The following LMO7 variants were observed in gnomAD, a reference collection of about 807,000 sequenced individuals.
LMO7 encodes the protein LIM domain 7.
Under a neutral mutation model 206.5 loss-of-function variants are expected in LMO7, and 120 were observed. The observed-to-expected ratio is 0.58, with a 90% confidence interval of 0.50 to 0.68. The LOEUF is 0.68. LMO7 is among the 30% of genes least tolerant of loss of function. LMO7 has a pLI of 0.00. For missense variants in LMO7, 1,959 were observed against 1,957.9 expected, an observed-to-expected ratio of 1.00 and a Z score of -0.01; for synonymous variants, 706 against 681.5, an observed-to-expected ratio of 1.04 and a Z score of -0.56.
chr13:75,639,232 G>A (rs1171994605), intron 1 of LMO7, among the ~76,000 whole-genome samples: 2 of 152,120 alleles, frequency 1.3e-5, no homozygotes, highest in Non-Finnish European at 2.9e-5. Context: ...AGTGAGGTAA[G>A]AGCTAGTGGT....
intron 4 of LMO7, among the ~76,000 whole-genome samples, chr13:75,782,680 C>T (rs1020449187): frequency 1.3e-4 from 20 of 152,204 alleles, no homozygotes; most frequent in African/African-American, 4.8e-4. Context: ...TTTCTTCTTG[C>T]AGCTCCAGGG....
intron 3 of LMO7, among the ~76,000 whole-genome samples, chr13:75,746,445 A>G (rs2046843928): frequency 6.6e-6 from 1 of 152,226 alleles, no homozygotes; most frequent in South Asian, 2.1e-4. Flanking sequence ...GCGTGTCCCC[A>G]TGGAGAGTGT....
At position 75,835,752 on chromosome 13, in the gene LMO7, T is replaced by G. The variant is rs2059063063; in HGVS notation, c.3333+413T>G. Among the ~76,000 whole-genome samples, 2 of 152,146 alleles carry G rather than the reference T, an allele frequency of 1.3e-5. 1 individual carries two copies. The highest frequency in any genetic ancestry group is 4.1e-4 in the South Asian group (2 of 4,832). On this transcript the variant is annotated intron_variant, in intron 18 of 30. Transcript: ENST00000377534. ...GTGTAATGTAAAACTTCATGAAGCA[T>G]TTTTAGTTTTTGTGTAGGTGAATTT...
intron 26 of LMO7, among the ~76,000 whole-genome samples, chr13:75,846,712 C>T (rs1229321100): frequency 2.6e-5 from 4 of 152,126 alleles, no homozygotes; most frequent in African/African-American, 2.4e-5. Flanking sequence ...TTTATTAACT[C>T]ATTGCAAGCT....
chr13:75,712,923 AAAATG>A (rs200054985), intron 1 of LMO7, among the ~76,000 whole-genome samples: 9,524 of 151,988 alleles, frequency 0.063, 595 homozygotes, highest in African/African-American at 0.16. Context: ...ATCATCCAAT[AAAATG>A]ATTATATTAC....
chr13:75,775,717 T>G (rs1247994566), intron 4 of LMO7, among the ~76,000 whole-genome samples: 1 of 152,076 alleles, frequency 6.6e-6, no homozygotes, highest in Non-Finnish European at 1.5e-5. Flanking sequence ...TCAACATCAC[T>G]GATCATCAGA....
intron 1 of LMO7, among the ~76,000 whole-genome samples, chr13:75,693,108 C>T (rs960503010): frequency 5.9e-5 from 9 of 152,100 alleles, no homozygotes; most frequent in African/African-American, 2.2e-4. Flanking sequence ...AATTTTGGGT[C>T]AAGTGTATGG....
At chr13:75,690,962 T>C (rs201820221) in intron 1 of LMO7, among the ~76,000 whole-genome samples, 1 of 152,196 alleles carries the variant, frequency 6.6e-6, no homozygotes, top group East Asian at 1.9e-4. Flanking sequence ...GGATTACCTA[T>C]AAATTGTCTT....
At chr13:75,727,629 TTTATTA>T (rs1238611972) in intron 3 of LMO7, among the ~76,000 whole-genome samples, 1 of 152,122 alleles carries the variant, frequency 6.6e-6, no homozygotes, top group African/African-American at 2.4e-5. Context: ...TTTCTCTTTT[TTTATTA>T]TTATTATACT....
chr13:75,772,494 GAT>G (rs1451153371), intron 4 of LMO7, among the ~76,000 whole-genome samples: 2 of 152,076 alleles, frequency 1.3e-5, no homozygotes, highest in African/African-American at 4.8e-5. Context: ...CACTTTATAA[GAT>G]AGGGTGGTTG....
rs903367062 is a variant in LMO7, at chr13:75,842,931, T to A, written c.4097+15T>A. ...CCTGGTGACAGGTATGTAGAGCATG[T>A]TATTGTAATTTAATTGATGATAATG... On this transcript the variant is annotated intron_variant, in intron 25 of 30. Transcript: ENST00000377534. 1 of 1,494,512 alleles carries A rather than the reference T, an allele frequency of 6.7e-7. No homozygotes were observed. The highest frequency in any genetic ancestry group is 1.7e-5 in the Admixed American group (1 of 59,276). 92.6% of individuals were successfully genotyped at this position (1,494,512 alleles called of 1,614,324 possible). A position where few individuals can be genotyped will look rare whatever the true frequency, so the allele number is the denominator to read the frequency against.
chr13:75,663,454 G>A (rs1239424836), intron 1 of LMO7, among the ~76,000 whole-genome samples: 1 of 19,792 alleles, frequency 5.1e-5, no homozygotes, highest in African/African-American at 1.7e-4. Context: ...TTTTTGAGAC[G>A]GAGCCTCGCT....
intron 2 of LMO7, among the ~76,000 whole-genome samples, chr13:75,714,215 A>G (rs1170014281): frequency 6.6e-6 from 1 of 152,206 alleles, no homozygotes; most frequent in Non-Finnish European, 1.5e-5. Context: ...GGACCTTTGA[A>G]TAAGTGACCT....
chr13:75,794,709 TG>T (rs1429583540), intron 4 of LMO7, among the ~76,000 whole-genome samples: 1 of 152,206 alleles, frequency 6.6e-6, no homozygotes, highest in Non-Finnish European at 1.5e-5. Context: ...AGTAGCATAT[TG>T]TTGCTTCTTC....
chr13:75,808,011 ATTAG>A lies in LMO7; in HGVS notation c.1731_1734del (p.Leu577PhefsTer12). 6.2e-7 allele frequency: 1 copy of A among 1,614,008 alleles called. No homozygotes were observed. The highest frequency in any genetic ancestry group is 8.5e-7 in the Non-Finnish European group (1 of 1,179,880). On this transcript the variant is annotated frameshift_variant, in exon 10 of 31. Transcript: ENST00000377534. LOFTEE classifies it high-confidence loss of function. ...AAGAAAAAAGTAATAGCTGTAGAAT[ATTAG>A]TTCCTTCATATCGGCAGAAGAAAGA...
chr13:75,809,401 C>G (rs899899137), intron 11 of LMO7, among the ~76,000 whole-genome samples: 1 of 152,132 alleles, frequency 6.6e-6, no homozygotes, highest in Non-Finnish European at 1.5e-5. Flanking sequence ...AAAATTTAAA[C>G]TTCAGCTTCA....
At chr13:75,635,017 AC>A (rs2035578701), upstream of LMO7, among the ~76,000 whole-genome samples, 3 of 75,396 alleles carry the variant, frequency 4.0e-5, no homozygotes, top group African/African-American at 6.9e-5. Context: ...ACAAAACAAA[AC>A]AAAACAAAAC....
At chr13:75,832,719 G>T (rs974069484) in intron 15 of LMO7, among the ~76,000 whole-genome samples, 14 of 152,126 alleles carry the variant, frequency 9.2e-5, no homozygotes, top group African/African-American at 3.4e-4. Flanking sequence ...TTCCTGGGCA[G>T]TGAATAAATG....
chr13:75,752,924 T>C (rs1396447091), intron 3 of LMO7, among the ~76,000 whole-genome samples: 2 of 152,232 alleles, frequency 1.3e-5, no homozygotes, highest in Non-Finnish European at 2.9e-5. Context: ...GATGTAATGA[T>C]TTCTTTTTCC....
Sources: gnomAD v4.1 joint callset for allele counts (sites outside exome capture counted in the v4.1 genomes callset) on GRCh38, gnomAD v4.1.1 for gene constraint, MANE v1.5 for transcripts, NCBI Gene and HGNC (gene_info 2026-07-23, HGNC 2026-07-21) for gene names.